SLC24A2: variants seen among roughly 807,000 people sequenced by gnomAD.
SLC24A2 encodes the protein solute carrier family 24 member 2.
SLC24A2 carries 36 observed loss-of-function variants against 62.0 expected under a neutral mutation model. The observed-to-expected ratio is 0.58, with a 90% confidence interval of 0.44 to 0.77. The LOEUF is 0.77. Among genes scored for constraint, SLC24A2 ranks in the 30% least tolerant of loss-of-function variants. SLC24A2 has a pLI of 0.00. For missense variants in SLC24A2, 846 were observed against 817.9 expected, an observed-to-expected ratio of 1.03 and a Z score of -0.42; for synonymous variants, 358 against 294.0, an observed-to-expected ratio of 1.22 and a Z score of -2.23.
the SLC24A2 span, among the ~76,000 whole-genome samples, chr9:20,120,672 C>G: frequency 1.3e-5 from 2 of 152,004 alleles, no homozygotes; most frequent in Non-Finnish European, 2.9e-5. Context: ...TGTAACAAAT[C>G]TGCATATCTA....
At chr9:20,212,561 C>T in the SLC24A2 span, among the ~76,000 whole-genome samples, 2 of 151,580 alleles carry the variant, frequency 1.3e-5, 1 homozygote, top group African/African-American at 4.9e-5. Flanking sequence ...ATATGTCCAT[C>T]TATACTATGT....
intron 2 of SLC24A2, among the ~76,000 whole-genome samples, chr9:19,653,209 C>G (rs114171561): frequency 0.013 from 2,054 of 152,324 alleles, 46 homozygotes; most frequent in African/African-American, 0.047. Context: ...CAAGACTTGT[C>G]TTTGAAATCT....
At chr9:20,303,701 G>A in the SLC24A2 span, among the ~76,000 whole-genome samples, 2 of 152,192 alleles carry the variant, frequency 1.3e-5, no homozygotes, top group African/African-American at 4.8e-5. Context: ...TCCTCCACCT[G>A]ACTGTAGCCA....
chr9:20,172,777 G>T, the SLC24A2 span, among the ~76,000 whole-genome samples: 1 of 152,058 alleles, frequency 6.6e-6, no homozygotes, highest in Non-Finnish European at 1.5e-5. Flanking sequence ...ATTCGAAGAA[G>T]AATTGGTACC....
chr9:19,733,494 G>A (rs1479042521), intron 2 of SLC24A2, among the ~76,000 whole-genome samples: 11 of 152,096 alleles, frequency 7.2e-5, no homozygotes, highest in Admixed American at 1.3e-4. Context: ...TACAGAGAAC[G>A]CAGCTTGCTG....
At chr9:19,731,912 T>C (rs1380177054) in intron 2 of SLC24A2, among the ~76,000 whole-genome samples, 2 of 152,182 alleles carry the variant, frequency 1.3e-5, no homozygotes, top group African/African-American at 2.4e-5. Flanking sequence ...GTGAGCCAGT[T>C]TGTCCAACCA....
chr9:20,182,944 C>G, the SLC24A2 span, among the ~76,000 whole-genome samples: 1 of 152,168 alleles, frequency 6.6e-6, no homozygotes, highest in African/African-American at 2.4e-5. Context: ...CTTTAAGAGG[C>G]AACTATTCCT....
chr9:20,178,944 G>C, the SLC24A2 span, among the ~76,000 whole-genome samples: 1 of 152,108 alleles, frequency 6.6e-6, no homozygotes, highest in African/African-American at 2.4e-5. Context: ...GACTCCATAA[G>C]ACCAGCTTGG....
At chr9:19,526,883 T>A (rs1201255522) in intron 9 of SLC24A2, among the ~76,000 whole-genome samples, 1 of 152,170 alleles carries the variant, frequency 6.6e-6, no homozygotes, top group African/African-American at 2.4e-5. Context: ...CTTTCATGGA[T>A]CATGCTTTGG....
chr9:20,064,036 A>T, the SLC24A2 span, among the ~76,000 whole-genome samples: 1 of 152,230 alleles, frequency 6.6e-6, no homozygotes. Flanking sequence ...TATTCATAGC[A>T]GCATTACCAT....
chr9:19,678,800 G>T (rs1163626327), intron 2 of SLC24A2, among the ~76,000 whole-genome samples: 1 of 152,160 alleles, frequency 6.6e-6, no homozygotes, highest in African/African-American at 2.4e-5. Context: ...AGACAATAAT[G>T]GGTTTCTTCT....
chr9:20,269,289 T>C, the SLC24A2 span, among the ~76,000 whole-genome samples: 1 of 152,112 alleles, frequency 6.6e-6, no homozygotes, highest in Non-Finnish European at 1.5e-5. Flanking sequence ...CCCTGTTGTA[T>C]AGGTAAGAAA....
the SLC24A2 span, among the ~76,000 whole-genome samples, chr9:19,951,671 A>AAGGG: frequency 3.3e-5 from 5 of 152,156 alleles, no homozygotes; most frequent in African/African-American, 1.2e-4. Context: ...TTATGTCTGA[A>AAGGG]GTCTATTCTG....
chr9:19,685,295 T>A (rs887854866), intron 2 of SLC24A2, among the ~76,000 whole-genome samples: 1 of 152,156 alleles, frequency 6.6e-6, no homozygotes. Flanking sequence ...TCCATGCTCA[T>A]TGATTGGAAG....
the SLC24A2 span, among the ~76,000 whole-genome samples, chr9:19,984,884 G>A: frequency 5.6e-3 from 850 of 152,216 alleles, 3 homozygotes; most frequent in Non-Finnish European, 0.01. Context: ...TATTTAAGGG[G>A]CAAGGCAAGA....
intron 8 of SLC24A2, among the ~76,000 whole-genome samples, chr9:19,541,796 TC>T (rs1352356589): frequency 6.8e-6 from 1 of 147,988 alleles, no homozygotes; most frequent in African/African-American, 2.5e-5. Flanking sequence ...CGGGCGCCCC[TC>T]CCCCAGCCTC....
chr9:20,066,638 T>C, the SLC24A2 span, among the ~76,000 whole-genome samples: 1 of 152,134 alleles, frequency 6.6e-6, no homozygotes, highest in Non-Finnish European at 1.5e-5. Context: ...GCATAAAAAA[T>C]TTATGGAACA....
At chr9:19,840,847 T>C in the SLC24A2 span, among the ~76,000 whole-genome samples, 8 of 152,232 alleles carry the variant, frequency 5.3e-5, no homozygotes, top group Non-Finnish European at 1.2e-4. Context: ...AAGGGAGTCA[T>C]ACAGCATTTA....
chr9:20,263,091 G>A, the SLC24A2 span, among the ~76,000 whole-genome samples: 1 of 152,134 alleles, frequency 6.6e-6, no homozygotes, highest in Non-Finnish European at 1.5e-5. Context: ...TGCTATCACT[G>A]GGTGTTTCTT....
Sources: allele counts gnomAD v4.1 joint callset (sites outside exome capture counted in the v4.1 genomes callset), GRCh38; gene constraint gnomAD v4.1.1; transcripts MANE v1.5; gene names NCBI Gene and HGNC (gene_info 2026-07-23, HGNC 2026-07-21).